The following SYCP1 variants were observed in gnomAD, a reference collection of about 807,000 sequenced individuals.
SYCP1 encodes synaptonemal complex protein 1.
In SYCP1, 64 loss-of-function variants were observed where a neutral mutation model predicts 153.1. The ratio of observed to expected loss-of-function variants is 0.42; its 90% CI spans 0.34 to 0.51. The LOEUF (loss-of-function observed/expected upper bound fraction) is 0.51. Ranked by LOEUF, SYCP1 falls within the 20% of genes least tolerant of loss-of-function variation. The pLI is 0.06. For missense variants in SYCP1, 997 were observed against 1,049.0 expected, an observed-to-expected ratio of 0.95 and a Z score of 0.68; for synonymous variants, 384 against 341.8, an observed-to-expected ratio of 1.12 and a Z score of -1.36.
At chr1:114,975,791 G>A (rs1326449565) in intron 27 of SYCP1, among the ~76,000 whole-genome samples, 1 of 151,698 alleles carries the variant, frequency 6.6e-6, no homozygotes, top group Admixed American at 6.6e-5. Flanking sequence ...TCTCTGCCTA[G>A]CAATGTGAAA....
chr1:114,952,386 T>C (rs1424719914), intron 27 of SYCP1, among the ~76,000 whole-genome samples: 3 of 152,180 alleles, frequency 2.0e-5, no homozygotes, highest in African/African-American at 7.2e-5. Context: ...TGGTTCTAAT[T>C]TGCGTTTTTC....
chr1:114,864,200 A>G (rs1420117481), intron 8 of SYCP1, among the ~76,000 whole-genome samples: 1 of 152,004 alleles, frequency 6.6e-6, no homozygotes, highest in Non-Finnish European at 1.5e-5. Context: ...AATAAAATAT[A>G]TGTTAGGTGA....
Position 114,886,312 on chromosome 1 carries a change from A to G in SYCP1, c.1190+3A>G, listed in dbSNP as rs1666298186. The G allele has an allele frequency of 2.0e-6, 3 of 1,511,262 alleles. No individual in the cohort carries two copies. The highest frequency in any genetic ancestry group is 1.4e-5 in the African/African-American group (1 of 70,356). 93.6% of individuals were successfully genotyped at this position (1,511,262 alleles called of 1,614,324 possible). A position where few individuals can be genotyped will look rare whatever the true frequency, so the allele number is the denominator to read the frequency against. ...TTATTGAGAACAGAACAGCAAAGGT[A>G]AAATATTTATTATTTTTAATACACA... is the stretch of plus-strand genomic sequence containing the variant. On this transcript the variant is annotated splice_donor_region_variant and intron_variant, in intron 14 of 31. Coordinates refer to ENST00000369522, the MANE Select transcript of SYCP1 (RefSeq NM_003176.4).
Position 114,926,500 on chromosome 1 carries a change from G to C in SYCP1, c.1864-1G>C. 6.3e-7 allele frequency: 1 copy of C among 1,578,798 alleles called. No individual in the cohort carries two copies. Among genetic ancestry groups the C allele is most frequent in the Non-Finnish European group, 8.6e-7 (1 of 1,162,218 alleles). ...AATATAATTATTTTTAATTTTAACA[G>C]AATAAGGCCTTGAAAAAAAAAGGTA... On this transcript the variant is annotated splice_acceptor_variant, in intron 22 of 31. Transcript: ENST00000369522. LOFTEE classifies it high-confidence loss of function.
chr1:114,901,304 A>C (rs757277667), intron 16 of SYCP1, among the ~76,000 whole-genome samples: 8 of 152,238 alleles, frequency 5.3e-5, no homozygotes, highest in Non-Finnish European at 8.8e-5. Flanking sequence ...AAAGGAAAAC[A>C]TAAAGGCCTT....
chr1:114,980,826 A>T (rs933916163), intron 28 of SYCP1, among the ~76,000 whole-genome samples: 2 of 151,896 alleles, frequency 1.3e-5, no homozygotes, highest in Non-Finnish European at 2.9e-5. Context: ...CAGATTTATT[A>T]TATAGGTAAA....
chr1:114,938,110 C>A (rs1440616203), intron 23 of SYCP1, among the ~76,000 whole-genome samples: 3 of 152,058 alleles, frequency 2.0e-5, no homozygotes, highest in Non-Finnish European at 2.9e-5. Flanking sequence ...ATGTTTATTG[C>A]AGCACTATTC....
rs200806574 is a variant in SYCP1 at position 114,923,518 on chromosome 1, G to A, written c.1788G>A (p.Lys596=). The change falls in exon 21 of 32, where the codon AAG becomes AAA. Residue 596 remains lysine (K), a synonymous_variant. Transcript: ENST00000369522. ...KRDEVKCKLD[K]SEENCNNLRK... ...ATGAAGTTAAATGTAAATTGGACAA[G>A]AGTGAAGAAAATGTATGTTATATTT... is the stretch of plus-strand genomic sequence containing the variant. 1.1e-5 allele frequency: 17 copies of A among 1,588,404 alleles called. No individual in the cohort carries two copies. The highest frequency in any genetic ancestry group is 3.4e-4 in the Middle Eastern group (2 of 5,930).
chr1:114,981,784 G>A (rs1337304402), intron 29 of SYCP1, among the ~76,000 whole-genome samples: 2 of 151,912 alleles, frequency 1.3e-5, no homozygotes, highest in Admixed American at 6.6e-5. Flanking sequence ...CCTTCAACAT[G>A]AAATTGTTTC....
intron 28 of SYCP1, among the ~76,000 whole-genome samples, chr1:114,979,033 A>G (rs984325065): frequency 6.6e-6 from 1 of 151,624 alleles, no homozygotes; most frequent in Non-Finnish European, 1.5e-5. Flanking sequence ...AGATTAGCAA[A>G]TGCCATATAT....
At chr1:114,930,578 T>G (rs1041695182) in intron 23 of SYCP1, among the ~76,000 whole-genome samples, 2 of 151,904 alleles carry the variant, frequency 1.3e-5, no homozygotes, top group Non-Finnish European at 2.9e-5. Context: ...ATGGGCAAAT[T>G]TCTTATGTAT....
chr1:114,925,106 G>C (rs1171249339), intron 21 of SYCP1, among the ~76,000 whole-genome samples: 2 of 152,034 alleles, frequency 1.3e-5, no homozygotes, highest in African/African-American at 4.8e-5. Flanking sequence ...AGTAGAGGTG[G>C]TCTTCTACAT....
At position 114,923,483 on chromosome 1, in the gene SYCP1, C is replaced by A; in HGVS notation, c.1753C>A (p.Gln585Lys). Residue 585 changes from glutamine (Q) to lysine (K), a missense_variant, in exon 21 of 32, where the codon CAG becomes AAG. Around this residue, in one of 2 missense-constraint regions of SYCP1, gnomAD observed 712 missense variants for 682.9 expected, o/e 1.04. Transcript: ENST00000369522. ...AGAATATGTGAGAGAAGAGCTAAAACAGAAAAGAGATGAAGTTAAATGTAA... is the reference window on the plus strand; with the variant it reads ...AGAATATGTGAGAGAAGAGCTAAAAAAGAAAAGAGATGAAGTTAAATGTAA... ...ELEYVREELK[Q>K]KRDEVKCKLD... 1 of 1,591,118 alleles carries A rather than the reference C, an allele frequency of 6.3e-7. No individual in the cohort carries two copies. The highest frequency in any genetic ancestry group is 8.6e-7 in the Non-Finnish European group (1 of 1,165,736).
At chr1:114,983,356 C>T (rs538372831) in intron 29 of SYCP1, among the ~76,000 whole-genome samples, 14 of 151,940 alleles carry the variant, frequency 9.2e-5, no homozygotes, top group African/African-American at 2.4e-4. Flanking sequence ...CACTGCTTCA[C>T]GTTGCTGCAA....
intron 27 of SYCP1, among the ~76,000 whole-genome samples, chr1:114,972,723 G>A (rs1672573963): frequency 6.6e-6 from 1 of 152,012 alleles, no homozygotes; most frequent in Non-Finnish European, 1.5e-5. Flanking sequence ...AATTCCCTTT[G>A]TTATTGATTT....
At chr1:114,963,103 T>C (rs1671883205) in intron 27 of SYCP1, among the ~76,000 whole-genome samples, 1 of 152,218 alleles carries the variant, frequency 6.6e-6, no homozygotes, top group South Asian at 2.1e-4. Flanking sequence ...GCTCTTAAGA[T>C]TCTTTCCTTC....
intron 27 of SYCP1, among the ~76,000 whole-genome samples, chr1:114,953,187 CAACATGAGTTTTG>C (rs1671217848): frequency 6.6e-6 from 1 of 152,204 alleles, no homozygotes; most frequent in Non-Finnish European, 1.5e-5. Context: ...AACCAAATTT[CAACATGAGTTTTG>C]GAGGGTACAA....
intron 12 of SYCP1, among the ~76,000 whole-genome samples, chr1:114,882,669 AT>A (rs1034738975): frequency 6.6e-6 from 1 of 150,952 alleles, no homozygotes; most frequent in Non-Finnish European, 1.5e-5. Flanking sequence ...CTTTATGCTC[AT>A]TTTTTTTACT....
At chr1:114,966,200 C>T (rs1443329847) in intron 27 of SYCP1, among the ~76,000 whole-genome samples, 2 of 152,030 alleles carry the variant, frequency 1.3e-5, no homozygotes, top group East Asian at 1.9e-4. Context: ...TCCCCTTTAT[C>T]ATTTTTTATT....
Sources: allele counts gnomAD v4.1 joint callset (sites outside exome capture counted in the v4.1 genomes callset), GRCh38; gene constraint gnomAD v4.1.1; regional missense constraint gnomAD v4.1.1; transcripts MANE v1.5; gene names NCBI Gene and HGNC (gene_info 2026-07-23, HGNC 2026-07-21).